Variants in ENOX1 observed in about 807,000 individuals in gnomAD.
ENOX1 encodes the protein ecto-NOX disulfide-thiol exchanger 1.
Under a neutral mutation model 82.5 loss-of-function variants are expected in ENOX1, and 42 were observed. The observed-to-expected ratio is 0.51, with a 90% CI of 0.40 to 0.66. The LOEUF is 0.66. Ranked by LOEUF, ENOX1 falls within the 30% of genes least tolerant of loss-of-function variation. ENOX1 has a pLI of 0.00. For synonymous variants in ENOX1, 271 were observed against 282.2 expected, an observed-to-expected ratio of 0.96 and a Z score of 0.40; for missense variants, 608 against 811.6, an observed-to-expected ratio of 0.75 and a Z score of 3.05.
At chr13:43,295,196 C>T (rs145748001) in intron 12 of ENOX1, among the ~76,000 whole-genome samples, 22 of 152,302 alleles carry the variant, frequency 1.4e-4, no homozygotes, top group African/African-American at 5.1e-4. Flanking sequence ...TTTACTTGTA[C>T]ACCTAAAAGT....
chr13:43,246,268 C>T (rs971105870), intron 14 of ENOX1, among the ~76,000 whole-genome samples: 4 of 152,212 alleles, frequency 2.6e-5, no homozygotes, highest in Admixed American at 6.5e-5. Context: ...AAGAAGCAGA[C>T]TCAGGATCTG....
intron 5 of ENOX1, among the ~76,000 whole-genome samples, chr13:43,381,220 A>AT (rs1374254902): frequency 2.0e-5 from 3 of 151,794 alleles, no homozygotes; most frequent in African/African-American, 7.2e-5. Context: ...TGAGACCACA[A>AT]TAGTATTAAA....
chr13:43,492,216 C>G (rs568988461), intron 2 of ENOX1, among the ~76,000 whole-genome samples: 5 of 152,244 alleles, frequency 3.3e-5, no homozygotes, highest in Admixed American at 1.3e-4. Flanking sequence ...CTAAATCCTA[C>G]CAACAACCAA....
intron 12 of ENOX1, among the ~76,000 whole-genome samples, chr13:43,295,995 CCT>C (rs1354802783): frequency 2.6e-5 from 4 of 152,216 alleles, no homozygotes; most frequent in Admixed American, 1.3e-4. Flanking sequence ...TCTCCCGCTC[CCT>C]GTCTTGCTCT....
intron 1 of ENOX1, among the ~76,000 whole-genome samples, chr13:43,758,106 T>C (rs1269400698): frequency 2.6e-5 from 4 of 151,894 alleles, no homozygotes; most frequent in Non-Finnish European, 5.9e-5. Context: ...TGTGGTGGTG[T>C]GTGCCTATAA....
intron 8 of ENOX1, among the ~76,000 whole-genome samples, chr13:43,351,893 A>G (rs1271162611): frequency 6.6e-6 from 1 of 152,150 alleles, no homozygotes; most frequent in African/African-American, 2.4e-5. Context: ...ATATTTCTAA[A>G]TAAAACGGCC....
At chr13:43,661,245 G>C (rs1464694037) in intron 2 of ENOX1, among the ~76,000 whole-genome samples, 2 of 152,144 alleles carry the variant, frequency 1.3e-5, no homozygotes, top group Non-Finnish European at 2.9e-5. Context: ...GGACTATATT[G>C]CCTGGAGCAG....
intron 2 of ENOX1, among the ~76,000 whole-genome samples, chr13:43,518,325 T>G (rs1044837790): frequency 1.3e-5 from 2 of 151,936 alleles, no homozygotes; most frequent in African/African-American, 4.8e-5. Flanking sequence ...GATACGTGGG[T>G]CTCCTCTCCC....
At chr13:43,658,803 A>G (rs2084572395) in intron 2 of ENOX1, among the ~76,000 whole-genome samples, 1 of 152,148 alleles carries the variant, frequency 6.6e-6, no homozygotes, top group Non-Finnish European at 1.5e-5. Context: ...TGTTGGTCCT[A>G]TCTCTGGGAT....
chr13:43,717,482 C>T (rs1416811360), intron 1 of ENOX1, among the ~76,000 whole-genome samples: 2 of 152,034 alleles, frequency 1.3e-5, no homozygotes, highest in African/African-American at 4.8e-5. Flanking sequence ...TTGGCTTTGG[C>T]AAAGAATTTA....
chr13:43,281,837 G>A (rs961391853), intron 12 of ENOX1, among the ~76,000 whole-genome samples: 27 of 152,114 alleles, frequency 1.8e-4, no homozygotes, highest in African/African-American at 6.5e-4. Flanking sequence ...AGGGTCTGCT[G>A]GTAGACTTTA....
At chr13:43,678,065 T>C (rs569299699) in intron 1 of ENOX1, among the ~76,000 whole-genome samples, 8 of 152,280 alleles carry the variant, frequency 5.3e-5, no homozygotes, top group Admixed American at 2.6e-4. Context: ...GGAGGTGCTA[T>C]ACAAATGTGC....
intron 1 of ENOX1, among the ~76,000 whole-genome samples, chr13:43,707,305 A>G (rs2153811544): frequency 6.6e-6 from 1 of 152,324 alleles, no homozygotes; most frequent in Non-Finnish European, 1.5e-5. Flanking sequence ...AAGTCTCAAC[A>G]TTAAACCGTG....
At chr13:43,590,525 A>G (rs1054482098) in intron 2 of ENOX1, among the ~76,000 whole-genome samples, 13 of 152,156 alleles carry the variant, frequency 8.5e-5, no homozygotes, top group African/African-American at 3.1e-4. Flanking sequence ...CTGTAACCTC[A>G]GCACTTTGGG....
intron 2 of ENOX1, among the ~76,000 whole-genome samples, chr13:43,615,414 A>T (rs1391396973): frequency 6.6e-6 from 1 of 152,170 alleles, no homozygotes; most frequent in Non-Finnish European, 1.5e-5. Flanking sequence ...GCATGGCATG[A>T]TGGAAACTTA....
At chr13:43,402,244 A>G (rs538138934) in intron 5 of ENOX1, among the ~76,000 whole-genome samples, 2 of 152,352 alleles carry the variant, frequency 1.3e-5, no homozygotes, top group South Asian at 4.1e-4. Context: ...ATAATGCTCA[A>G]TTATGAGAAA....
chr13:43,710,520 A>T (rs2087618923), intron 1 of ENOX1, among the ~76,000 whole-genome samples: 1 of 152,180 alleles, frequency 6.6e-6, no homozygotes, highest in Non-Finnish European at 1.5e-5. Flanking sequence ...AAAACTTTAG[A>T]CACATAATAC....
At chr13:43,232,661 A>G (rs1220126552) in intron 15 of ENOX1, among the ~76,000 whole-genome samples, 1 of 152,226 alleles carries the variant, frequency 6.6e-6, no homozygotes, top group Non-Finnish European at 1.5e-5. Context: ...CAGAGGACTC[A>G]GGATATGTAA....
intron 2 of ENOX1, among the ~76,000 whole-genome samples, chr13:43,538,267 A>T (rs2078554231): frequency 6.6e-6 from 1 of 152,216 alleles, no homozygotes; most frequent in African/African-American, 2.4e-5. Context: ...AACCATAGAG[A>T]AGATGAGAAA....
Sources: gnomAD v4.1 joint callset for allele counts (sites outside exome capture counted in the v4.1 genomes callset) on GRCh38, gnomAD v4.1.1 for gene constraint, MANE v1.5 for transcripts, NCBI Gene and HGNC (gene_info 2026-07-23, HGNC 2026-07-21) for gene names.